ATP6V0A1: variants seen among roughly 807,000 people sequenced by gnomAD.
ATP6V0A1 encodes the protein V-type proton ATPase 116 kDa subunit a 1.
Under a neutral mutation model 105.4 loss-of-function variants are expected in ATP6V0A1, and 43 were observed. The ratio of observed to expected loss-of-function variants is 0.41; its 90% confidence interval spans 0.32 to 0.53. The LOEUF is 0.53. ATP6V0A1 is among the 20% of genes least tolerant of loss of function. The pLI is 0.30. For missense variants in ATP6V0A1, 676 were observed against 1,051.1 expected, an observed-to-expected ratio of 0.64 and a Z score of 4.93; for synonymous variants, 362 against 372.8, an observed-to-expected ratio of 0.97 and a Z score of 0.33.
At chr17:42,503,585 A>G (rs1262503578) in intron 17 of ATP6V0A1, among the ~76,000 whole-genome samples, 2 of 152,248 alleles carry the variant, frequency 1.3e-5, no homozygotes, top group African/African-American at 4.8e-5. Context: ...ATGCACAAAT[A>G]TATTAGCCTA....
At chr17:42,505,111 C>G (rs1176872191) in intron 17 of ATP6V0A1, among the ~76,000 whole-genome samples, 1 of 151,780 alleles carries the variant, frequency 6.6e-6, no homozygotes, top group African/African-American at 2.4e-5. Context: ...TCTCAGCTCA[C>G]TACAACCTCC....
intron 11 of ATP6V0A1, among the ~76,000 whole-genome samples, chr17:42,492,725 AAG>A (rs1177883748): frequency 7.0e-6 from 1 of 142,834 alleles, no homozygotes; most frequent in Non-Finnish European, 1.5e-5. Flanking sequence ...AAAAAAAAAA[AAG>A]TTCATCGGCT....
chr17:42,474,937 G>A (rs1381752278), intron 5 of ATP6V0A1, among the ~76,000 whole-genome samples: 2 of 152,210 alleles, frequency 1.3e-5, no homozygotes, highest in Non-Finnish European at 2.9e-5. Context: ...CATTTAAAAT[G>A]ACTTGTTAAT....
At chr17:42,461,770 A>AAACAAC (rs561780451) in intron 2 of ATP6V0A1, among the ~76,000 whole-genome samples, 1 of 152,026 alleles carries the variant, frequency 6.6e-6, no homozygotes, top group East Asian at 1.9e-4. Flanking sequence ...ACTCCGTCTC[A>AAACAAC]AACAACAACA....
At chr17:42,484,549 C>G (rs1005066975) in intron 9 of ATP6V0A1, among the ~76,000 whole-genome samples, 12 of 152,102 alleles carry the variant, frequency 7.9e-5, no homozygotes, top group African/African-American at 2.9e-4. Flanking sequence ...CCAAAAAGCT[C>G]TGGTGTGACT....
intron 18 of ATP6V0A1, among the ~76,000 whole-genome samples, chr17:42,508,220 TCTGAA>T (rs1383896902): frequency 6.6e-6 from 1 of 152,224 alleles, no homozygotes; most frequent in Non-Finnish European, 1.5e-5. Context: ...GCACAAAGCC[TCTGAA>T]CTGAACTATT....
intron 21 of ATP6V0A1, 188 bp from the exon 22 acceptor site, chr17:42,520,839 G>A (rs186055529): frequency 5.0e-5 from 30 of 600,560 alleles, no homozygotes; most frequent in Admixed American, 3.1e-4. Context: ...CCCTTCCTCC[G>A]TGCGTCGAAC....
chr17:42,471,894 C>T (rs986395882), intron 5 of ATP6V0A1, among the ~76,000 whole-genome samples: 3 of 152,116 alleles, frequency 2.0e-5, no homozygotes, highest in Admixed American at 1.3e-4. Flanking sequence ...GCCTAAAGTA[C>T]AGTAACTGTC....
chr17:42,483,052 T>C lies in ATP6V0A1; in HGVS notation c.731T>C (p.Leu244Pro). Reference sequence around the variant, plus strand: ...TTATATTCCAGGTTCCGAGCCTCACTCTATCCCTGTCCTGAGACACCACAG... The same window carrying C: ...TTATATTCCAGGTTCCGAGCCTCACCCTATCCCTGTCCTGAGACACCACAG... ...KKICEGFRAS[L>P]YPCPETPQER... The change falls in exon 9 of 22, where the codon CTC becomes CCC. Residue 244 changes from leucine to proline, a missense_variant. Physicochemically the swap from Leu to Pro is moderately conservative, Grantham distance 98 (BLOSUM62 -3). Coordinates refer to ENST00000343619, the MANE Select transcript of ATP6V0A1 (RefSeq NM_001130021.3). 1 of 1,542,102 alleles carries C rather than the reference T, an allele frequency of 6.5e-7. No homozygotes were observed. The highest frequency in any genetic ancestry group is 8.8e-7 in the Non-Finnish European group (1 of 1,142,180).
At chr17:42,471,612 T>C (rs1352484669) in intron 5 of ATP6V0A1, among the ~76,000 whole-genome samples, 1 of 151,862 alleles carries the variant, frequency 6.6e-6, no homozygotes, top group Non-Finnish European at 1.5e-5. Context: ...TGCACACCTG[T>C]AGTTCCAGCT....
intron 2 of ATP6V0A1, among the ~76,000 whole-genome samples, chr17:42,465,314 G>A (rs985872786): frequency 4.1e-5 from 6 of 147,014 alleles, no homozygotes; most frequent in Non-Finnish European, 7.5e-5. Flanking sequence ...TTTGAGACAA[G>A]AGTCTCACTC....
intron 5 of ATP6V0A1, among the ~76,000 whole-genome samples, chr17:42,475,799 T>C (rs1401549026): frequency 6.6e-6 from 1 of 152,328 alleles, no homozygotes; most frequent in African/African-American, 2.4e-5. Context: ...GTGGTGAAAT[T>C]AGCAATTCAA....
In ATP6V0A1 at chr17:42,461,139, A is replaced by C. The variant is rs185903150; in HGVS notation, c.117+128A>C. Reference sequence around the variant, plus strand: ...ATTATAGCACTGACTTCCTATTGGCAGAATGCACATTTTGAGTTGTCTTTC... The same window carrying C: ...ATTATAGCACTGACTTCCTATTGGCCGAATGCACATTTTGAGTTGTCTTTC... On this transcript the variant is annotated intron_variant, in intron 2 of 21. Coordinates refer to ENST00000343619, the MANE Select transcript of ATP6V0A1 (RefSeq NM_001130021.3). 5 of 774,620 alleles carry C rather than the reference A, an allele frequency of 6.5e-6. No homozygotes were observed. In the East Asian group the frequency reaches 1.3e-4, roughly 20 times the overall value. 48.0% of individuals were successfully genotyped at this position (774,620 alleles called of 1,614,324 possible). A position where few individuals can be genotyped will look rare whatever the true frequency, so the allele number is the denominator to read the frequency against.
At chr17:42,474,034 G>A (rs139680475) in intron 5 of ATP6V0A1, among the ~76,000 whole-genome samples, 2,041 of 149,182 alleles carry the variant, frequency 0.014, 48 homozygotes, top group African/African-American at 0.048. Context: ...ACAGAGTCTC[G>A]CTTTGTCATC....
In ATP6V0A1 at chr17:42,521,113, AAG is replaced by A; in HGVS notation, c.2510_2511del (p.Glu837ValfsTer30). 1 of 1,608,736 alleles carries A rather than the reference AAG, an allele frequency of 6.2e-7. No individual in the cohort carries two copies. The highest frequency in any genetic ancestry group is 2.3e-5 in the East Asian group (1 of 44,348). ...GAGCATATTCGGGAAGGGAAGTTTG[AAG>A]AGTGAGTCCCTGTGAGGGCCGTGTG... On this transcript the variant is annotated frameshift_variant, in exon 22 of 22. Coordinates refer to ENST00000343619, the MANE Select transcript of ATP6V0A1 (RefSeq NM_001130021.3). LOFTEE classifies it high-confidence loss of function. The surrounding 1 kb of genome is among the most constrained non-coding windows in gnomAD (Gnocchi z 4.8).
chr17:42,492,419 C>T (rs991165597), intron 11 of ATP6V0A1, among the ~76,000 whole-genome samples: 3 of 151,216 alleles, frequency 2.0e-5, no homozygotes, highest in African/African-American at 4.9e-5. Flanking sequence ...AAGAGTTCAT[C>T]GGCTGGGCCA....
intron 15 of ATP6V0A1, among the ~76,000 whole-genome samples, 198 bp downstream of exon 15, chr17:42,499,240 GC>G (rs2146106431): frequency 6.6e-6 from 1 of 152,326 alleles, no homozygotes; most frequent in South Asian, 2.1e-4. Flanking sequence ...GGAGGCCAAG[GC>G]CGGTGGATCA....
intron 1 of ATP6V0A1, among the ~76,000 whole-genome samples, chr17:42,459,914 TAAAA>T (rs970987568): frequency 5.9e-5 from 9 of 152,332 alleles, no homozygotes; most frequent in African/African-American, 2.2e-4. Context: ...CTTATGACAC[TAAAA>T]ATACTGTGCA....
At chr17:42,482,041 C>T (rs758257194) in intron 8 of ATP6V0A1, among the ~76,000 whole-genome samples, 38 of 152,170 alleles carry the variant, frequency 2.5e-4, no homozygotes, top group South Asian at 4.1e-4. Context: ...GGGGTTTTGC[C>T]GTGTTGGCCA....
Sources: allele counts gnomAD v4.1 joint callset (sites outside exome capture counted in the v4.1 genomes callset), GRCh38; gene constraint gnomAD v4.1.1; non-coding constraint Gnocchi (gnomAD v3.1); transcripts MANE v1.5; gene names NCBI Gene and HGNC (gene_info 2026-07-23, HGNC 2026-07-21).